Variants in ANGEL2 observed in about 807,000 individuals in gnomAD.
ANGEL2 encodes RNA 2',3'-cyclic phosphatase ANGEL2.
A neutral mutation model predicts 66.0 loss-of-function variants in ANGEL2; 41 were observed. The observed-to-expected ratio is 0.62, with a 90% CI of 0.48 to 0.81. The LOEUF is 0.81. ANGEL2 is among the 30% of genes least tolerant of loss of function. The probability of loss-of-function intolerance (pLI) is 0.00; values close to 1 mark genes in which losing one functional copy is unlikely to be tolerated. For synonymous variants in ANGEL2, 208 were observed against 226.5 expected, an observed-to-expected ratio of 0.92 and a Z score of 0.73; for missense variants, 561 against 641.6, an observed-to-expected ratio of 0.87 and a Z score of 1.36.
intron 2 of ANGEL2, chr1:213,011,136 C>A (rs373612264): frequency 1.6e-6 from 2 of 1,247,106 alleles, no homozygotes; most frequent in Non-Finnish European, 2.1e-6. Flanking sequence ...TTGAAAACCA[C>A]TGATAAGAGT....
intron 5 of ANGEL2, among the ~76,000 whole-genome samples, chr1:213,003,649 C>T (rs964327600): frequency 3.3e-5 from 5 of 152,062 alleles, no homozygotes; most frequent in Admixed American, 2.6e-4. Context: ...ATAGTAATAT[C>T]GAAGATCACT....
chr1:212,995,232 A>T, intron 8 of ANGEL2, 40 bp from the exon 9 acceptor site: 1 of 1,551,698 alleles, frequency 6.4e-7, no homozygotes, highest in African/African-American at 1.4e-5. Flanking sequence ...TAAAATTGTC[A>T]ACGGGTTATT....
At chr1:213,008,167 A>T (rs537590143) in intron 3 of ANGEL2, 43 bp downstream of exon 3, 1 of 1,590,806 alleles carries the variant, frequency 6.3e-7, no homozygotes, top group South Asian at 1.1e-5. Context: ...CCCGGCCCCA[A>T]CTTTTTCTTA....
At chr1:213,010,660 A>T (rs931991672) in intron 2 of ANGEL2, among the ~76,000 whole-genome samples, 1 of 152,180 alleles carries the variant, frequency 6.6e-6, no homozygotes, top group Non-Finnish European at 1.5e-5. Flanking sequence ...GCCAAATCAA[A>T]GTCTTCTTAT....
chr1:213,000,797 A>G lies in ANGEL2; in HGVS notation c.1250T>C (p.Val417Ala), dbSNP rs1355505658. 6.2e-7 allele frequency: 1 copy of G among 1,605,598 alleles called. No homozygotes were observed. The highest frequency in any genetic ancestry group is 1.1e-5 in the South Asian group (1 of 88,798). ...TTACAAACACTTACCTGTCTTTTCT[A>G]CTTTTGGTACCTGCTGTACCTCATA... ...CVYEVQQVPKVEKTDSDLTQT... is the reference protein window; with the variant it reads ...CVYEVQQVPKAEKTDSDLTQT... Residue 417 changes from valine to alanine, a missense_variant, in exon 6 of 9, where the codon GTA (valine) becomes GCA (alanine). Physicochemically the swap from Val to Ala is moderately conservative, Grantham distance 64. Coordinates refer to ENST00000366962, the MANE Select transcript of ANGEL2 (RefSeq NM_144567.5).
intron 2 of ANGEL2, among the ~76,000 whole-genome samples, chr1:213,010,651 C>T (rs2076481620): frequency 6.6e-6 from 1 of 151,600 alleles, no homozygotes; most frequent in Non-Finnish European, 1.5e-5. Context: ...ATGGTTTTAG[C>T]CAAATCAAAG....
At chr1:212,996,888 T>C (rs1400451853) in intron 8 of ANGEL2, among the ~76,000 whole-genome samples, 1 of 151,996 alleles carries the variant, frequency 6.6e-6, no homozygotes. Context: ...GAAAGACCTA[T>C]AACTCAGAGG....
chr1:212,997,770 C>T (rs1399783417), intron 7 of ANGEL2, among the ~76,000 whole-genome samples: 1 of 152,088 alleles, frequency 6.6e-6, no homozygotes, highest in Non-Finnish European at 1.5e-5. Flanking sequence ...AAAACAGCTT[C>T]TCTAATGGTT....
At chr1:213,003,613 G>A (rs2076237822) in intron 5 of ANGEL2, among the ~76,000 whole-genome samples, 1 of 152,180 alleles carries the variant, frequency 6.6e-6, no homozygotes, top group African/African-American at 2.4e-5. Flanking sequence ...TATGGGTACA[G>A]TTCATAACAC....
In ANGEL2 at chr1:213,011,880, C is replaced by T. The variant is rs991593664; in HGVS notation, c.385+1213G>A. On this transcript the variant is annotated intron_variant, in intron 2 of 8. Transcript: ENST00000366962. ...AAGCAATCTGGTATCATCATACTGC[C>T]CTATATTTATAGATCTTAGGATTGT... is the stretch of plus-strand genomic sequence containing the variant. Among the ~76,000 whole-genome samples the T allele has an allele frequency of 3.3e-5, 5 of 152,104 alleles. No homozygotes were observed. In the East Asian group the frequency reaches 9.6e-4, roughly 29 times the overall value.
intron 4 of ANGEL2, chr1:213,006,602 A>T (rs990099452): frequency 6.6e-6 from 1 of 152,468 alleles, no homozygotes; most frequent in Non-Finnish European, 1.5e-5. Flanking sequence ...TTAGGTAGAC[A>T]CTGGCAGGCA....
In ANGEL2 at chr1:213,005,422, T is replaced by C. The variant is rs144576191; in HGVS notation, c.745A>G (p.Arg249Gly). The C allele has an allele frequency of 3.4e-5, 54 of 1,610,550 alleles. No homozygotes were observed. In the African/African-American group the frequency reaches 6.0e-4, roughly 18 times the overall value. ...YHCEYKMRTG[R>G]KPDGCAICFK... The stretch of plus-strand genomic sequence containing the variant: ...CAAATAGCACAGCCATCAGGTTTCC[T>C]TCCTGTCCGCATCTTATATTCACAG... The change falls in exon 5 of 9, where the codon AGG (arginine) becomes GGG (glycine). Residue 249 changes from arginine to glycine, a missense_variant. Arg to Gly is a moderately radical substitution (Grantham distance 125, BLOSUM62 -2). Transcript: ENST00000366962.
rs1380315941 is a variant in ANGEL2 at position 213,013,200 on chromosome 1, C to T, written c.278G>A (p.Cys93Tyr). 3.7e-6 allele frequency: 6 copies of T among 1,614,116 alleles called. No homozygotes were observed. The highest frequency in any genetic ancestry group is 5.1e-6 in the Non-Finnish European group (6 of 1,179,968). Residue 93 changes from cysteine (C) to tyrosine (Y), a missense_variant, in exon 2 of 9, where the codon TGT becomes TAT. Physicochemically the swap from Cys to Tyr is radical, Grantham distance 194. Transcript: ENST00000366962. ...GCTCAGGTTGTCAGGTCTCCAGTTA[C>T]AGTACTGGAACTGAGTTCTAGACTC... ...LFESRTQFQY[C>Y]NWRPDNLSQT... is the part of the protein sequence containing the mutation.
At position 212,995,185 on chromosome 1, in the gene ANGEL2, T is replaced by C. The variant is rs374623940; in HGVS notation, c.1491A>G (p.Glu497=). Residue 497 remains glutamate (E), a synonymous_variant, in exon 9 of 9, where the codon GAA becomes GAG. Transcript: ENST00000366962. ...GTTTCAAGCCACCAACCAAAGCAACTTCAGCTCCTACATTAAAGAAGCACA... is the reference window on the plus strand; with the variant it reads ...GTTTCAAGCCACCAACCAAAGCAACCTCAGCTCCTACATTAAAGAAGCACA... The part of the protein sequence containing the change: ...KEDVAGHPGA[E]VALVGGLKLL... 9 of 1,600,882 alleles carry C rather than the reference T, an allele frequency of 5.6e-6. No homozygotes were observed. The African/African-American group carries it at 9.4e-5, about 17-fold the overall frequency.
At position 213,005,118 on chromosome 1, in the gene ANGEL2, C is replaced by T; in HGVS notation, c.1049G>A (p.Gly350Asp). Residue 350 changes from glycine to aspartate, a missense_variant, in exon 5 of 9, where the codon GGT (glycine) becomes GAT (aspartate). By Grantham distance (94) the Gly-to-Asp change is moderately conservative. Transcript: ENST00000366962. ...AGAACCAGGAACAGAATTAAAGTCA[C>T]CACACATAACAATAGGGCAGAAGCT... ...DGSFCPIVMC[G>D]DFNSVPGSPL... The T allele has an allele frequency of 6.2e-7, 1 of 1,613,980 alleles. No homozygotes were observed. The highest frequency in any genetic ancestry group is 1.1e-5 in the South Asian group (1 of 91,062).
intron 5 of ANGEL2, among the ~76,000 whole-genome samples, chr1:213,004,212 T>A (rs975171670): frequency 1.3e-5 from 2 of 151,292 alleles, no homozygotes; most frequent in Non-Finnish European, 3.0e-5. Context: ...AAAAAAAAAA[T>A]AAATAATTTT....
chr1:213,012,508 G>C (rs1017037344), intron 2 of ANGEL2, among the ~76,000 whole-genome samples: 5 of 152,196 alleles, frequency 3.3e-5, no homozygotes, highest in Admixed American at 1.3e-4. Flanking sequence ...GTTTCTCAAA[G>C]TGGAATAAGA....
chr1:213,014,194 A>T (rs1310628787), intron 1 of ANGEL2, among the ~76,000 whole-genome samples: 1 of 152,230 alleles, frequency 6.6e-6, no homozygotes, highest in African/African-American at 2.4e-5. Flanking sequence ...AGCTTAATAA[A>T]GCACCATGTT....
At chr1:213,010,465 G>A (rs559662804) in intron 2 of ANGEL2, among the ~76,000 whole-genome samples, 7 of 151,994 alleles carry the variant, frequency 4.6e-5, no homozygotes, top group East Asian at 3.9e-4. Flanking sequence ...CCAGCTACTC[G>A]GGAGGCTGAG....
Sources: gnomAD v4.1 joint callset for allele counts (sites outside exome capture counted in the v4.1 genomes callset) on GRCh38, gnomAD v4.1.1 for gene constraint, MANE v1.5 for transcripts, NCBI Gene and HGNC (gene_info 2026-07-23, HGNC 2026-07-21) for gene names.